VPS13B: variants seen among roughly 807,000 people sequenced by gnomAD.
The protein encoded by VPS13B is vacuolar protein sorting 13 homolog B, also known as intermembrane lipid transfer protein VPS13B.
VPS13B carries 285 observed loss-of-function variants against 426.4 expected under a neutral mutation model. The observed-to-expected ratio is 0.67, with a 90% confidence interval of 0.61 to 0.74. The LOEUF is 0.74. VPS13B is among the 30% of genes least tolerant of loss of function. The pLI, the probability that VPS13B is intolerant of heterozygous loss-of-function variation, is 0.00. For synonymous variants in VPS13B, 1,676 were observed against 1,676.4 expected (o/e 1.00, Z 0.01); for missense variants, 4,537 against 4,782.6 (o/e 0.95, Z 1.51).
intron 3 of VPS13B, among the ~76,000 whole-genome samples, chr8:99,075,320 A>G (rs1175908792): frequency 6.6e-6 from 1 of 152,200 alleles, no homozygotes; most frequent in African/African-American, 2.4e-5. Context: ...GCTTTTACTC[A>G]TAGCAGAAGG....
intron 25 of VPS13B, among the ~76,000 whole-genome samples, chr8:99,485,611 A>G (rs1048428831): frequency 1.3e-5 from 2 of 152,180 alleles, no homozygotes; most frequent in Non-Finnish European, 2.9e-5. Flanking sequence ...GGGAAGTACT[A>G]CTATAACTAT....
chr8:99,621,300 A>C (rs1349566677), intron 33 of VPS13B, among the ~76,000 whole-genome samples: 1 of 152,212 alleles, frequency 6.6e-6, no homozygotes, highest in Non-Finnish European at 1.5e-5. Flanking sequence ...CTTCTCCATA[A>C]ATAAGGATGA....
chr8:99,345,990 A>T (rs1458826335), intron 19 of VPS13B: 1 of 153,584 alleles, frequency 6.5e-6, no homozygotes, highest in Non-Finnish European at 1.4e-5. Context: ...GTGGCACCTG[A>T]GCTGGATTCA....
intron 24 of VPS13B, among the ~76,000 whole-genome samples, chr8:99,480,718 GA>G (rs1424002259): frequency 1.3e-5 from 2 of 152,124 alleles, no homozygotes; most frequent in Non-Finnish European, 2.9e-5. Context: ...ATCAAATGAG[GA>G]TTGACAATAG....
rs386834120 is a variant in VPS13B, at chr8:99,835,195, A to G, written c.9615-2A>G. On this transcript the variant is annotated splice_acceptor_variant, in intron 52 of 61. Coordinates refer to ENST00000357162, the MANE Select transcript of VPS13B (RefSeq NM_152564.5). LOFTEE classifies it high-confidence loss of function. ...CTGTCATTTGACTTGATTCTCTTCC[A>G]GGGCTATAGTGCTGACATATCAAGA... 6.2e-7 allele frequency: 1 copy of G among 1,613,932 alleles called. No homozygotes were observed. Among genetic ancestry groups the G allele is most frequent in the Non-Finnish European group, 8.5e-7 (1 of 1,179,928 alleles).
chr8:99,098,355 C>G (rs1490356767), intron 4 of VPS13B, among the ~76,000 whole-genome samples: 1 of 152,118 alleles, frequency 6.6e-6, no homozygotes, highest in Non-Finnish European at 1.5e-5. Flanking sequence ...CACACACACA[C>G]TCACACATAT....
chr8:99,119,069 G>A (rs1847815736), intron 7 of VPS13B, among the ~76,000 whole-genome samples: 1 of 152,052 alleles, frequency 6.6e-6, no homozygotes, highest in African/African-American at 2.4e-5. Context: ...TTTTGCCATT[G>A]GGATGAGTGT....
intron 39 of VPS13B, among the ~76,000 whole-genome samples, chr8:99,750,445 C>T (rs1335441514): frequency 1.3e-5 from 2 of 152,034 alleles, no homozygotes; most frequent in Non-Finnish European, 2.9e-5. Context: ...TCTTTGATCT[C>T]CAGTGCCTAA....
At chr8:99,726,078 A>C (rs778545750) in intron 39 of VPS13B, among the ~76,000 whole-genome samples, 16 of 152,246 alleles carry the variant, frequency 1.1e-4, no homozygotes, top group Non-Finnish European at 1.9e-4. Context: ...TGAGATTTAT[A>C]AACAAACTCC....
At chr8:99,116,067 G>A (rs1388529510) in intron 7 of VPS13B, among the ~76,000 whole-genome samples, 193 bp downstream of exon 7, 2 of 152,118 alleles carry the variant, frequency 1.3e-5, no homozygotes, top group Admixed American at 1.3e-4. Flanking sequence ...TAGCTCTGTT[G>A]CCTGGGCTGG....
intron 33 of VPS13B, among the ~76,000 whole-genome samples, chr8:99,633,946 A>G (rs1387088372): frequency 6.6e-6 from 1 of 151,910 alleles, no homozygotes; most frequent in Non-Finnish European, 1.5e-5. Flanking sequence ...TGACCAACCT[A>G]TTCCTATTCA....
At chr8:99,693,263 T>G in intron 35 of VPS13B, among the ~76,000 whole-genome samples, 1 of 150,124 alleles carries the variant, frequency 6.7e-6, no homozygotes, top group Non-Finnish European at 1.5e-5. Flanking sequence ...TTTAGACCAA[T>G]ATCCTTGATG....
chr8:99,749,859 C>G (rs765250333), intron 39 of VPS13B, among the ~76,000 whole-genome samples: 5 of 152,090 alleles, frequency 3.3e-5, no homozygotes, highest in Non-Finnish European at 5.9e-5. Context: ...TTCCCACCGA[C>G]AGTGTACATG....
chr8:99,813,358 C>A (rs13271808), intron 44 of VPS13B, among the ~76,000 whole-genome samples: 14,421 of 152,130 alleles, frequency 0.095, 902 homozygotes, highest in African/African-American at 0.17. Flanking sequence ...GAGAAACAGC[C>A]AAATTCTCTT....
chr8:99,095,793 C>T (rs1175156605), intron 3 of VPS13B, among the ~76,000 whole-genome samples: 1 of 151,948 alleles, frequency 6.6e-6, no homozygotes, highest in African/African-American at 2.4e-5. Context: ...AAAACTTATA[C>T]CTAACATGAA....
intron 19 of VPS13B, among the ~76,000 whole-genome samples, chr8:99,317,387 ATCT>A (rs1222899299): frequency 1.3e-5 from 2 of 152,122 alleles, no homozygotes; most frequent in Admixed American, 6.5e-5. Flanking sequence ...AACATTGAAA[ATCT>A]TCTCTTCTAG....
At chr8:99,330,302 A>G (rs905325163) in intron 19 of VPS13B, among the ~76,000 whole-genome samples, 1 of 151,900 alleles carries the variant, frequency 6.6e-6, no homozygotes, top group Non-Finnish European at 1.5e-5. Context: ...TATGCCATTC[A>G]TAGAGAATGA....
chr8:99,795,718 A>T (rs1367727495), intron 43 of VPS13B, among the ~76,000 whole-genome samples: 1 of 152,182 alleles, frequency 6.6e-6, no homozygotes, highest in African/African-American at 2.4e-5. Context: ...TGGAAGATCC[A>T]TCTCCAAAAT....
intron 5 of VPS13B, among the ~76,000 whole-genome samples, chr8:99,106,455 C>T (rs1395711821): frequency 8.5e-6 from 1 of 117,256 alleles, no homozygotes; most frequent in African/African-American, 3.2e-5. Flanking sequence ...AAAAAAAAAA[C>T]CCAAAACAAA....
Sources: allele counts gnomAD v4.1 joint callset (sites outside exome capture counted in the v4.1 genomes callset), GRCh38; gene constraint gnomAD v4.1.1; transcripts MANE v1.5; gene names NCBI Gene and HGNC (gene_info 2026-07-23, HGNC 2026-07-21).